PCNX2: variants seen among roughly 807,000 people sequenced by gnomAD.
The protein encoded by PCNX2 is pecanex-like protein 2.
In PCNX2, 168 loss-of-function variants were observed where a neutral mutation model predicts 223.8. The observed-to-expected ratio is 0.75, with a 90% CI of 0.66 to 0.85. The LOEUF (loss-of-function observed/expected upper bound fraction) is 0.85, where lower values mean the gene tolerates loss of function less well. PCNX2 is among the 40% of genes least tolerant of loss of function. PCNX2 has a pLI of 0.00. For missense variants in PCNX2, 2,507 were observed against 2,675.5 expected (o/e 0.94, Z 1.39); for synonymous variants, 1,006 against 1,052.6 (o/e 0.96, Z 0.86).
chr1:232,989,731 A>ATTT (rs1669628833), intron 32 of PCNX2, among the ~76,000 whole-genome samples: 1 of 152,248 alleles, frequency 6.6e-6, no homozygotes, highest in Non-Finnish European at 1.5e-5. Context: ...AGATGCCAAA[A>ATTT]CGCTGATTAG....
rs762693787 is a variant in PCNX2 at position 232,999,347 on chromosome 1, G to A, written c.5361C>T (p.Ala1787=). The A allele has an allele frequency of 1.0e-5, 16 of 1,598,572 alleles. No homozygotes were observed. Among genetic ancestry groups the A allele is most frequent in the Admixed American group, 8.7e-5 (5 of 57,750 alleles). Reference sequence around the variant, plus strand: ...GAAATATAAGCTCCTGCTGCTGCCCGGCCCAAAGTCCTCGGACGCATTCTT... The same window carrying A: ...GAAATATAAGCTCCTGCTGCTGCCCAGCCCAAAGTCCTCGGACGCATTCTT... ...VNKECVRGLW[A]GQQQELIFLR... The change falls in exon 31 of 34, where the codon GCC becomes GCT. Residue 1787 remains alanine (A), a synonymous_variant. Coordinates refer to ENST00000258229, the MANE Select transcript of PCNX2 (RefSeq NM_014801.4).
chr1:233,221,388 A>T (rs1312158035), intron 10 of PCNX2, among the ~76,000 whole-genome samples: 1 of 152,166 alleles, frequency 6.6e-6, no homozygotes, highest in Non-Finnish European at 1.5e-5. Context: ...TTCAAAGAAA[A>T]AAAAAACCTT....
chr1:233,183,989 A>G (rs1416541669), intron 15 of PCNX2, among the ~76,000 whole-genome samples: 1 of 152,206 alleles, frequency 6.6e-6, no homozygotes, highest in African/African-American at 2.4e-5. Context: ...GGCTTCTCTT[A>G]TTTCATTTCA....
chr1:233,010,630 G>A (rs574407497), intron 28 of PCNX2, among the ~76,000 whole-genome samples: 1 of 152,264 alleles, frequency 6.6e-6, no homozygotes, highest in African/African-American at 2.4e-5. Context: ...ATTATATCTA[G>A]ATGGCTTTCT....
chr1:233,251,466 C>T (rs1659447367), intron 7 of PCNX2, among the ~76,000 whole-genome samples: 1 of 152,184 alleles, frequency 6.6e-6, no homozygotes, highest in African/African-American at 2.4e-5. Context: ...CTACTAGTGC[C>T]TTCTTCAGTT....
chr1:233,278,267 G>A (rs1661015485), intron 1 of PCNX2, among the ~76,000 whole-genome samples: 1 of 152,202 alleles, frequency 6.6e-6, no homozygotes, highest in Non-Finnish European at 1.5e-5. Flanking sequence ...AGTGGCAAGG[G>A]CAAACTGTGC....
Position 233,200,212 on chromosome 1 carries a change from GATTTGCGGGAAGAGCCCAAGGAGGGAA to G in PCNX2, c.2889_2915del (p.Ser964_Ile972del). 1.3e-6 allele frequency: 2 copies of G among 1,594,688 alleles called. No individual in the cohort carries two copies. Among genetic ancestry groups the G allele is most frequent in the Non-Finnish European group, 1.7e-6 (2 of 1,170,134 alleles). On this transcript the variant is annotated inframe_deletion, in exon 14 of 34. Transcript: ENST00000258229. ...CCAAAAGATAAGTGCAGAAAGTGTT[GATTTGCGGGAAGAGCCCAAGGAGGGAA>G]ATAGCAGGGAAGCAATATAAAAATA...
intron 19 of PCNX2, among the ~76,000 whole-genome samples, chr1:233,152,277 G>T (rs904030791): frequency 6.6e-6 from 1 of 152,196 alleles, no homozygotes; most frequent in East Asian, 1.9e-4. Context: ...TTCCATACCA[G>T]TATCATAGCA....
intron 8 of PCNX2, among the ~76,000 whole-genome samples, chr1:233,245,556 T>C (rs982661641): frequency 1.3e-5 from 2 of 152,186 alleles, no homozygotes; most frequent in Non-Finnish European, 2.9e-5. Flanking sequence ...GGGCAGAGGC[T>C]GACCACAGGT....
At chr1:233,096,539 G>A (rs942127592) in intron 21 of PCNX2, among the ~76,000 whole-genome samples, 2 of 152,090 alleles carry the variant, frequency 1.3e-5, no homozygotes, top group African/African-American at 4.8e-5. Flanking sequence ...GGTAAGAAGT[G>A]ACTAATGAAT....
rs779283614 is a variant in PCNX2, at chr1:233,139,710, T to C, written c.3659+4A>G. 17 of 1,594,074 alleles carry C rather than the reference T, an allele frequency of 1.1e-5. No homozygotes were observed. The highest frequency in any genetic ancestry group is 2.6e-6 in the Non-Finnish European group (3 of 1,169,566). On this transcript the variant is annotated splice_donor_region_variant and intron_variant, in intron 20 of 33. Coordinates refer to ENST00000258229, the MANE Select transcript of PCNX2 (RefSeq NM_014801.4). The surrounding 1 kb of genome is among the most constrained non-coding windows in gnomAD (Gnocchi z 4.4). The stretch of plus-strand genomic sequence containing the variant: ...ATTATGAAGATAAACCATTAACCAC[T>C]TACTGGGTACCAAGTCTCCGGTGAT...
chr1:233,269,142 T>G (rs1660502256), intron 1 of PCNX2, among the ~76,000 whole-genome samples: 1 of 152,248 alleles, frequency 6.6e-6, no homozygotes. Flanking sequence ...TTGACTCTTT[T>G]GTCTCCCTTA....
chr1:233,016,106 C>T (rs1670647254), intron 27 of PCNX2, among the ~76,000 whole-genome samples: 1 of 152,200 alleles, frequency 6.6e-6, no homozygotes, highest in Non-Finnish European at 1.5e-5. Context: ...ATCACACCTT[C>T]TTTGTGGTTG....
chr1:233,112,140 C>T (rs559239288), intron 21 of PCNX2, among the ~76,000 whole-genome samples: 31 of 152,328 alleles, frequency 2.0e-4, no homozygotes, highest in Non-Finnish European at 2.2e-4. Flanking sequence ...TCCAAAACTG[C>T]TAGTTCAAGG....
chr1:233,225,138 A>G (rs1039280173), intron 10 of PCNX2, among the ~76,000 whole-genome samples: 14 of 135,422 alleles, frequency 1.0e-4, no homozygotes, highest in Admixed American at 9.4e-4. Flanking sequence ...AAAAAAAAAA[A>G]TGTTATGTTA....
intron 8 of PCNX2, among the ~76,000 whole-genome samples, chr1:233,245,539 G>T (rs143893653): frequency 6.6e-6 from 1 of 152,162 alleles, no homozygotes; most frequent in African/African-American, 2.4e-5. Flanking sequence ...TCCCACTGGA[G>T]GGGGCAGGGC....
intron 21 of PCNX2, among the ~76,000 whole-genome samples, chr1:233,116,772 AGAG>A (rs1675435786): frequency 6.7e-6 from 1 of 148,828 alleles, no homozygotes; most frequent in Admixed American, 6.6e-5. Flanking sequence ...ATAAATCCCA[AGAG>A]AAGAAAGAAA....
At chr1:233,065,790 C>T (rs1672579095) in intron 23 of PCNX2, 1 of 152,084 alleles carries the variant, frequency 6.6e-6, no homozygotes. Context: ...AGCCAAATAC[C>T]ACAGATAAAA....
chr1:233,144,641 T>C (rs1677317685), intron 19 of PCNX2, among the ~76,000 whole-genome samples: 1 of 152,172 alleles, frequency 6.6e-6, no homozygotes, highest in African/African-American at 2.4e-5. Flanking sequence ...TGCAGACGAG[T>C]ATCTTTTTAC....
Sources: allele counts gnomAD v4.1 joint callset (sites outside exome capture counted in the v4.1 genomes callset), GRCh38; gene constraint gnomAD v4.1.1; non-coding constraint Gnocchi (gnomAD v3.1); transcripts MANE v1.5; gene names NCBI Gene and HGNC (gene_info 2026-07-23, HGNC 2026-07-21).